The following KNL1 variants were observed in gnomAD, a reference collection of about 807,000 sequenced individuals.
KNL1 encodes kinetochore scaffold 1.
A neutral mutation model predicts 201.3 loss-of-function variants in KNL1; 66 were observed. The observed-to-expected ratio is 0.33, with a 90% confidence interval of 0.27 to 0.40. The LOEUF is 0.40. Ranked by LOEUF, KNL1 falls within the 10% of genes least tolerant of loss-of-function variation. The pLI, the probability that KNL1 is intolerant of heterozygous loss-of-function variation, is 1.00. For missense variants in KNL1, 2,815 were observed against 2,690.5 expected (o/e 1.05, Z -1.02); for synonymous variants, 895 against 899.2 (o/e 1.00, Z 0.08).
chr15:40,609,291 T>C (rs1158814574), intron 5 of KNL1, among the ~76,000 whole-genome samples: 24 of 151,298 alleles, frequency 1.6e-4, no homozygotes, highest in Non-Finnish European at 3.4e-4. Context: ...ACCCTGCACC[T>C]GTAGTCCCAG....
intron 13 of KNL1, among the ~76,000 whole-genome samples, chr15:40,639,910 A>G (rs1052585834): frequency 1.3e-5 from 2 of 151,936 alleles, no homozygotes; most frequent in Non-Finnish European, 2.9e-5. Flanking sequence ...CCCCATCTCT[A>G]CAAAAAATTT....
At position 40,621,403 on chromosome 15, in the gene KNL1, C is replaced by A; in HGVS notation, c.1139C>A (p.Ala380Glu). The A allele has an allele frequency of 6.2e-7, 1 of 1,612,242 alleles. No homozygotes were observed. The highest frequency in any genetic ancestry group is 1.1e-5 in the South Asian group (1 of 90,968). Residue 380 changes from alanine (A) to glutamate (E), a missense_variant, in exon 10 of 26, where the codon GCA (alanine) becomes GAA (glutamate). Physicochemically the swap from Ala to Glu is moderately radical, Grantham distance 107 (BLOSUM62 -1). This residue lies in a region of KNL1 where 2,464 missense variants were observed against 2,291.7 expected (regional missense o/e 1.08). Coordinates refer to ENST00000399668, the MANE Select transcript of KNL1 (RefSeq NM_144508.5). ...TTTCAAGACCTTTCCATAAACTCTG[C>A]AGACAAAATACATATTACCAGAAGT... is the stretch of plus-strand genomic sequence containing the variant. ...TAFQDLSINSADKIHITRSHI... is the reference protein window; with the variant it reads ...TAFQDLSINSEDKIHITRSHI...
At chr15:40,641,594 A>G (rs1209459994) in intron 14 of KNL1, among the ~76,000 whole-genome samples, 1 of 152,240 alleles carries the variant, frequency 6.6e-6, no homozygotes, top group Non-Finnish European at 1.5e-5. Context: ...TTTCATGCAC[A>G]AAATTGTTTA....
intron 13 of KNL1, among the ~76,000 whole-genome samples, chr15:40,629,873 T>A (rs1245945280): frequency 6.6e-6 from 1 of 152,226 alleles, no homozygotes; most frequent in South Asian, 2.1e-4. Context: ...TGGATTTTTT[T>A]AATCATGGAT....
chr15:40,651,951 C>A, intron 20 of KNL1, 54 bp from the exon 21 acceptor site: 3 of 1,290,470 alleles, frequency 2.3e-6, no homozygotes, highest in African/African-American at 2.9e-5. Flanking sequence ...CAGAAGTTCT[C>A]TTTTATGTTA....
intron 13 of KNL1, among the ~76,000 whole-genome samples, chr15:40,638,222 A>AGGAAG (rs1893115262): frequency 9.6e-6 from 1 of 104,190 alleles, no homozygotes; most frequent in African/African-American, 3.7e-5. Flanking sequence ...GAGGGAGGAA[A>AGGAAG]GGAAGGGAAG....
chr15:40,650,689 T>G (rs1389479447), intron 19 of KNL1, 106 bp downstream of exon 19: 2 of 1,004,160 alleles, frequency 2.0e-6, no homozygotes, highest in African/African-American at 1.7e-5. Flanking sequence ...GAGTCTTGAT[T>G]GAGGCTGACT....
intron 11 of KNL1, 130 bp from the exon 12 acceptor site, chr15:40,628,481 C>T (rs1892813735): frequency 1.4e-6 from 1 of 699,724 alleles, no homozygotes; most frequent in African/African-American, 1.8e-5. Flanking sequence ...CTTTGCCCTG[C>T]TACATGACTG....
At chr15:40,659,505 T>G in intron 25 of KNL1, 44 bp downstream of exon 25, 1 of 1,571,314 alleles carries the variant, frequency 6.4e-7, no homozygotes. Flanking sequence ...CTACTTCTTT[T>G]TTTTTGAGAT....
chr15:40,649,773 C>T (rs1893498666), intron 17 of KNL1, among the ~76,000 whole-genome samples: 1 of 152,160 alleles, frequency 6.6e-6, no homozygotes, highest in Admixed American at 6.5e-5. Context: ...CTGATCATTT[C>T]TACTTTGGTC....
chr15:40,625,520 A>C lies in KNL1; in HGVS notation c.5256A>C (p.Lys1752Asn), dbSNP rs745937771. 2 of 1,611,006 alleles carry C rather than the reference A, an allele frequency of 1.2e-6. No homozygotes were observed. Among genetic ancestry groups the C allele is most frequent in the Non-Finnish European group, 1.7e-6 (2 of 1,179,360 alleles). ...YQKEISPYEN[K>N]MGKTCNSQKR... ...AAGAGATTTCACCATATGAAAATAAAATGGGAAAAACTTGCAATAGCCAAA... is the reference window on the plus strand; with the variant it reads ...AAGAGATTTCACCATATGAAAATAACATGGGAAAAACTTGCAATAGCCAAA... The change falls in exon 10 of 26, where the codon AAA becomes AAC. Residue 1752 changes from lysine (K) to asparagine (N), a missense_variant. Lys to Asn is a moderately conservative substitution (Grantham distance 94, BLOSUM62 0). Around this residue, in one of 3 missense-constraint regions of KNL1, gnomAD observed 2,464 missense variants for 2,291.7 expected, o/e 1.08. Transcript: ENST00000399668.
At chr15:40,616,585 T>C (rs1892352382) in intron 8 of KNL1, among the ~76,000 whole-genome samples, 1 of 152,256 alleles carries the variant, frequency 6.6e-6, no homozygotes, top group African/African-American at 2.4e-5. Context: ...TTTTGTCTCC[T>C]AAATGTCTTG....
At position 40,596,577 on chromosome 15, in the gene KNL1, A is replaced by G. The variant is rs73394725; in HGVS notation, c.-18+2185A>G. Among the ~76,000 whole-genome samples, 1,067 of 152,174 alleles carry G rather than the reference A, an allele frequency of 7.0e-3. 8 individuals are homozygous for G. Among genetic ancestry groups the G allele is most frequent in the African/African-American group, 0.025 (1,024 of 41,522 alleles). Reference sequence around the variant, plus strand: ...AGGTGTGAGCCACTGTGCCTGGCCAAAATTTTATTATTAAATAATCACACT... The same window carrying G: ...AGGTGTGAGCCACTGTGCCTGGCCAGAATTTTATTATTAAATAATCACACT... On this transcript the variant is annotated intron_variant, in intron 1 of 25. Coordinates refer to ENST00000399668, the MANE Select transcript of KNL1 (RefSeq NM_144508.5).
Position 40,628,539 on chromosome 15 carries a change from T to G in KNL1, c.5516-72T>G. 9.4e-6 allele frequency: 10 copies of G among 1,067,608 alleles called. 1 individual carries two copies. In the South Asian group the frequency reaches 1.4e-4, roughly 15 times the overall value. 66.1% of individuals were successfully genotyped at this position (1,067,608 alleles called of 1,614,324 possible). A position where few individuals can be genotyped will look rare whatever the true frequency, so the allele number is the denominator to read the frequency against. Reference sequence around the variant, plus strand: ...GGTAGCTTCAGGATCAGAAACAATCTGAATGATAACCACAATTAAGTTCAC... The same window carrying G: ...GGTAGCTTCAGGATCAGAAACAATCGGAATGATAACCACAATTAAGTTCAC... On this transcript the variant is annotated intron_variant, in intron 11 of 25. Coordinates refer to ENST00000399668, the MANE Select transcript of KNL1 (RefSeq NM_144508.5).
At chr15:40,638,613 C>G (rs558689680) in intron 13 of KNL1, among the ~76,000 whole-genome samples, 26 of 149,958 alleles carry the variant, frequency 1.7e-4, no homozygotes, top group Admixed American at 8.0e-4. Context: ...CGCCTCAGCC[C>G]CCCAAGTAGC....
chr15:40,657,289 A>G, intron 23 of KNL1, 66 bp from the exon 24 acceptor site: 1 of 1,085,292 alleles, frequency 9.2e-7, no homozygotes, highest in South Asian at 1.3e-5. Context: ...AGTTCTTTGT[A>G]AGTGAGCCAC....
At chr15:40,660,564 G>A (rs1893879086) in intron 25 of KNL1, among the ~76,000 whole-genome samples, 1 of 151,108 alleles carries the variant, frequency 6.6e-6, no homozygotes, top group Admixed American at 6.6e-5. Flanking sequence ...TACTGGGGAG[G>A]CTGAGGCAGA....
chr15:40,610,724 T>C, intron 6 of KNL1: 1 of 455,486 alleles, frequency 2.2e-6, no homozygotes, highest in South Asian at 1.6e-5. Flanking sequence ...GTCTTGGGAG[T>C]AGAGAGTAGA....
intron 13 of KNL1, among the ~76,000 whole-genome samples, chr15:40,640,599 A>T (rs1307170544): frequency 2.6e-5 from 4 of 152,188 alleles, no homozygotes; most frequent in African/African-American, 2.4e-5. Flanking sequence ...AAAAAAAATT[A>T]AAAAGGGGTT....
Sources: gnomAD v4.1 joint callset for allele counts (sites outside exome capture counted in the v4.1 genomes callset) on GRCh38, gnomAD v4.1.1 for gene constraint, gnomAD v4.1.1 regional missense constraint, MANE v1.5 for transcripts, NCBI Gene and HGNC (gene_info 2026-07-23, HGNC 2026-07-21) for gene names.